The following NPHP1 variants were observed in gnomAD, a reference collection of about 807,000 sequenced individuals.
NPHP1 encodes nephrocystin 1.
NPHP1 carries 70 observed loss-of-function variants against 90.4 expected under a neutral mutation model. That is an observed-to-expected ratio of 0.77 (90% CI 0.64 to 0.95). The LOEUF is 0.95. Among genes scored for constraint, NPHP1 ranks in the 40% least tolerant of loss-of-function variants. The pLI, the probability that NPHP1 is intolerant of heterozygous loss-of-function variation, is 0.00. For synonymous variants in NPHP1, 256 were observed against 271.7 expected (o/e 0.94, Z 0.57); for missense variants, 764 against 795.9 (o/e 0.96, Z 0.48).
At chr2:110,156,201 C>T (rs1559068108) in intron 11 of NPHP1, among the ~76,000 whole-genome samples, 1 of 152,004 alleles carries the variant, frequency 6.6e-6, no homozygotes, top group Middle Eastern at 3.4e-3. Context: ...CCTCAGCCTC[C>T]TGAGTAGCTG....
At chr2:110,165,801 G>T (rs1682688984) in intron 6 of NPHP1, among the ~76,000 whole-genome samples, 1 of 151,808 alleles carries the variant, frequency 6.6e-6, no homozygotes, top group African/African-American at 2.4e-5. Context: ...ATATCCAAAA[G>T]AACTGAAAAG....
intron 2 of NPHP1, among the ~76,000 whole-genome samples, chr2:110,190,285 T>C (rs6720546): frequency 0.94 from 143,820 of 152,200 alleles, 68,463 homozygotes; most frequent in Middle Eastern, 1. Flanking sequence ...GAGCAGGGGG[T>C]GGCACTTGTC....
intron 2 of NPHP1, among the ~76,000 whole-genome samples, chr2:110,190,092 T>C (rs1024735373): frequency 2.0e-5 from 3 of 152,192 alleles, no homozygotes; most frequent in African/African-American, 4.8e-5. Flanking sequence ...AGAGTGCTGA[T>C]TGGTGTATTT....
intron 2 of NPHP1, among the ~76,000 whole-genome samples, chr2:110,194,834 G>C (rs1221740703): frequency 6.6e-6 from 1 of 152,104 alleles, no homozygotes; most frequent in Non-Finnish European, 1.5e-5. Flanking sequence ...TCATCCCTGG[G>C]ATGCAAGGCT....
At chr2:110,194,710 A>G (rs1405142109) in intron 2 of NPHP1, among the ~76,000 whole-genome samples, 1 of 152,188 alleles carries the variant, frequency 6.6e-6, no homozygotes, top group Non-Finnish European at 1.5e-5. Flanking sequence ...ACAAAAAAAG[A>G]GAATTTTAGA....
chr2:110,190,550 G>A (rs1684642151), intron 2 of NPHP1, among the ~76,000 whole-genome samples: 1 of 152,182 alleles, frequency 6.6e-6, no homozygotes, highest in Non-Finnish European at 1.5e-5. Context: ...ACCGTGTGCA[G>A]GCCCGGTTCC....
intron 11 of NPHP1, among the ~76,000 whole-genome samples, chr2:110,153,324 T>C (rs932080604): frequency 2.0e-5 from 3 of 152,112 alleles, no homozygotes; most frequent in East Asian, 1.9e-4. Context: ...ATTCTCTAAA[T>C]AGGACATGAT....
At chr2:110,181,939 A>T (rs1286766020) in intron 2 of NPHP1, among the ~76,000 whole-genome samples, 1 of 152,198 alleles carries the variant, frequency 6.6e-6, no homozygotes, top group Non-Finnish European at 1.5e-5. Context: ...TTAAGAGAGG[A>T]ACATAACTGA....
chr2:110,167,369 G>T (rs560681697), intron 6 of NPHP1, among the ~76,000 whole-genome samples: 2 of 152,112 alleles, frequency 1.3e-5, no homozygotes, highest in Non-Finnish European at 2.9e-5. Flanking sequence ...CCTTCAAAGA[G>T]GGGAGAGGAG....
chr2:110,170,593 G>T (rs955630918), intron 4 of NPHP1, among the ~76,000 whole-genome samples: 2 of 152,066 alleles, frequency 1.3e-5, no homozygotes, highest in South Asian at 2.1e-4. Flanking sequence ...GGACACAAAG[G>T]TAAACCAGAC....
intron 1 of NPHP1, among the ~76,000 whole-genome samples, chr2:110,202,765 A>G (rs1382680476): frequency 6.6e-6 from 1 of 152,176 alleles, no homozygotes; most frequent in African/African-American, 2.4e-5. Context: ...TAAAAAATCA[A>G]GAAATGACAG....
intron 12 of NPHP1, among the ~76,000 whole-genome samples, chr2:110,149,723 C>T (rs555144754): frequency 8.5e-5 from 13 of 152,242 alleles, no homozygotes; most frequent in Admixed American, 5.2e-4. Flanking sequence ...AAAAACAACA[C>T]GAAGACATCT....
At chr2:110,191,322 T>C (rs1196994191) in intron 2 of NPHP1, among the ~76,000 whole-genome samples, 1 of 152,146 alleles carries the variant, frequency 6.6e-6, no homozygotes, top group South Asian at 2.1e-4. Context: ...ACCCTAATAC[T>C]GCGCTTTTCC....
chr2:110,157,793 C>T (rs1318689320), intron 11 of NPHP1, among the ~76,000 whole-genome samples: 1 of 152,148 alleles, frequency 6.6e-6, no homozygotes, highest in African/African-American at 2.4e-5. Context: ...TATGTTCTTT[C>T]CATGTATAAC....
chr2:110,149,510 C>T (rs79424662), intron 12 of NPHP1, among the ~76,000 whole-genome samples: 1 of 152,106 alleles, frequency 6.6e-6, no homozygotes, highest in Non-Finnish European at 1.5e-5. Flanking sequence ...AGGTGGCTGG[C>T]CTCATCCACA....
chr2:110,184,724 A>G (rs1023753872), intron 2 of NPHP1: 7 of 719,984 alleles, frequency 9.7e-6, no homozygotes, highest in Non-Finnish European at 1.6e-5. Flanking sequence ...TGTCAAGGCC[A>G]TAAAAGAAAG....
intron 2 of NPHP1, among the ~76,000 whole-genome samples, chr2:110,198,905 G>A (rs949097215): frequency 6.6e-6 from 1 of 151,672 alleles, no homozygotes; most frequent in Admixed American, 6.6e-5. Context: ...AAGAAAACCG[G>A]CAACGTGAAG....
chr2:110,143,546 G>C lies in NPHP1; in HGVS notation c.1525C>G (p.Leu509Val), dbSNP rs779651177. ...RSLNRRSRNVLSLLPETLIGN... is the reference protein window; with the variant it reads ...RSLNRRSRNVVSLLPETLIGN... Reference sequence around the variant, plus strand: ...CAGGTAAAAGCAGGTACCCACCTTAGTACATTTCTTGATCTTCTGTTCAAG... The same window carrying C: ...CAGGTAAAAGCAGGTACCCACCTTACTACATTTCTTGATCTTCTGTTCAAG... Residue 509 changes from leucine (L) to valine (V), a missense_variant, in exon 16 of 20, where the codon CTA becomes GTA. Physicochemically the swap from Leu to Val is conservative, Grantham distance 32 (BLOSUM62 1). Transcript: ENST00000445609. 1 of 1,608,110 alleles carries C rather than the reference G, an allele frequency of 6.2e-7. No homozygotes were observed. Among genetic ancestry groups the C allele is most frequent in the Non-Finnish European group, 8.5e-7 (1 of 1,174,598 alleles).
intron 16 of NPHP1, among the ~76,000 whole-genome samples, chr2:110,139,172 CA>C (rs533446484): frequency 1.1e-4 from 16 of 149,038 alleles, no homozygotes; most frequent in African/African-American, 3.2e-4. Flanking sequence ...TGGAATGCAT[CA>C]AAAAAAAGGA....
Sources: gnomAD v4.1 joint callset for allele counts (sites outside exome capture counted in the v4.1 genomes callset) on GRCh38, gnomAD v4.1.1 for gene constraint, MANE v1.5 for transcripts, NCBI Gene and HGNC (gene_info 2026-07-23, HGNC 2026-07-21) for gene names.